Variants in CEP164 observed in about 807,000 individuals in gnomAD.
The protein encoded by CEP164 is centrosomal protein 164.
Under a neutral mutation model 182.7 loss-of-function variants are expected in CEP164, and 162 were observed. That is an observed-to-expected ratio of 0.89 (90% CI 0.78 to 1.01). CEP164 has a LOEUF of 1.01. Among genes scored for constraint, CEP164 ranks in the 50% least tolerant of loss-of-function variants. The pLI is 0.00. For synonymous variants in CEP164, 661 were observed against 690.0 expected, an observed-to-expected ratio of 0.96 and a Z score of 0.66; for missense variants, 1,735 against 1,790.4, an observed-to-expected ratio of 0.97 and a Z score of 0.56.
Position 117,412,108 on chromosome 11 carries a change from T to C in CEP164, c.4323T>C (p.Thr1441=), listed in dbSNP as rs992995160. Residue 1441 remains threonine (T), a synonymous_variant, in exon 33 of 33, where the codon ACT becomes ACC. Coordinates refer to ENST00000278935, the MANE Select transcript of CEP164 (RefSeq NM_014956.5). ...LFSSTPKPKA[T]LSLLQLGLDE... is the part of the protein sequence containing the mutation. ...CGTCAACACCCAAGCCAAAAGCTAC[T>C]TTGAGCCTCCTGCAGCTGGGCCTTG... The C allele has an allele frequency of 3.1e-6, 5 of 1,614,060 alleles. No homozygotes were observed. The Admixed American group carries it at 6.7e-5, about 22-fold the overall frequency.
rs749252841 is a variant in CEP164, at chr11:117,381,681, G to A, written c.1410-20G>A. 2.5e-6 allele frequency: 4 copies of A among 1,599,934 alleles called. No homozygotes were observed. The highest frequency in any genetic ancestry group is 3.4e-6 in the Non-Finnish European group (4 of 1,173,302). On this transcript the variant is annotated intron_variant, in intron 12 of 32. Transcript: ENST00000278935. Reference sequence around the variant, plus strand: ...CCAAATGGAGGGGCCTGACTCTGCTGCTCTGCCCGGCCTGACCAGGTTATC... The same window carrying A: ...CCAAATGGAGGGGCCTGACTCTGCTACTCTGCCCGGCCTGACCAGGTTATC...
chr11:117,386,946 C>T (rs557434042), intron 14 of CEP164: 37 of 467,762 alleles, frequency 7.9e-5, no homozygotes, highest in Admixed American at 7.2e-4. Flanking sequence ...GCCATAACCT[C>T]GTAAGTCTGC....
In CEP164 at chr11:117,393,071, T is replaced by C; in HGVS notation, c.2561T>C (p.Met854Thr). ...EGEHERRLDK[M>T]KEEHQQVMAK... ...GAGCATGAGAGGAGGTTGGACAAGA[T>C]GAAGGAGGAGCACCAGCAAGTGATG... Residue 854 changes from methionine (M) to threonine (T), a missense_variant, in exon 20 of 33, where the codon ATG becomes ACG. Physicochemically the swap from Met to Thr is moderately conservative, Grantham distance 81. Coordinates refer to ENST00000278935, the MANE Select transcript of CEP164 (RefSeq NM_014956.5). 8 of 1,613,752 alleles carry C rather than the reference T, an allele frequency of 5.0e-6. No individual in the cohort carries two copies. Among genetic ancestry groups the C allele is most frequent in the Non-Finnish European group, 6.8e-6 (8 of 1,179,906 alleles).
At chr11:117,342,175 A>G (rs1435861097) in intron 3 of CEP164, among the ~76,000 whole-genome samples, 1 of 152,058 alleles carries the variant, frequency 6.6e-6, no homozygotes, top group African/African-American at 2.4e-5. Flanking sequence ...TTTTTTTCTT[A>G]CTCATGGCTC....
chr11:117,358,641 T>G (rs1592140998), intron 5 of CEP164, among the ~76,000 whole-genome samples: 1 of 151,012 alleles, frequency 6.6e-6, no homozygotes, highest in Non-Finnish European at 1.5e-5. Context: ...GCTCCTGGGC[T>G]TAAGCAATCC....
At chr11:117,321,870 G>GT (rs59641024) in intron 1 of CEP164, among the ~76,000 whole-genome samples, 80,876 of 150,090 alleles carry the variant, frequency 0.54, 22,726 homozygotes, top group East Asian at 0.72. Flanking sequence ...AAATTTTTGG[G>GT]TTTTTTTTTA....
chr11:117,406,260 G>T (rs967403076), intron 27 of CEP164, among the ~76,000 whole-genome samples: 1 of 152,156 alleles, frequency 6.6e-6, no homozygotes, highest in African/African-American at 2.4e-5. Context: ...CTTCTCACAT[G>T]GTGGTGGCAA....
intron 15 of CEP164, among the ~76,000 whole-genome samples, chr11:117,390,313 G>A (rs2044475457): frequency 6.6e-6 from 1 of 152,096 alleles, no homozygotes; most frequent in Non-Finnish European, 1.5e-5. Context: ...TAGGGAGGCA[G>A]CAGTGGACCT....
At chr11:117,325,534 T>TG (rs1295309847), upstream of CEP164, among the ~76,000 whole-genome samples, 1 of 151,340 alleles carries the variant, frequency 6.6e-6, no homozygotes, top group Non-Finnish European at 1.5e-5. Context: ...TACAGGTGCC[T>TG]GCCACCACAA....
chr11:117,327,189 T>A (rs551517321), upstream of CEP164, among the ~76,000 whole-genome samples: 1 of 152,318 alleles, frequency 6.6e-6, no homozygotes, highest in African/African-American at 2.4e-5. Flanking sequence ...GGTCAGGTGC[T>A]CACTGGTTTA....
At chr11:117,330,331 C>T (rs922218695) in intron 1 of CEP164, among the ~76,000 whole-genome samples, 2 of 152,256 alleles carry the variant, frequency 1.3e-5, no homozygotes, top group Admixed American at 6.5e-5. Context: ...CCTAACACGT[C>T]GCACAATGTC....
At chr11:117,331,292 C>T (rs566411470) in intron 1 of CEP164, among the ~76,000 whole-genome samples, 3 of 152,306 alleles carry the variant, frequency 2.0e-5, no homozygotes, top group Admixed American at 2.0e-4. Context: ...CCCAGATGAG[C>T]AGAAGGCAGA....
At chr11:117,391,300 C>G (rs1439423231) in intron 17 of CEP164, 85 bp downstream of exon 17, 1 of 1,309,502 alleles carries the variant, frequency 7.6e-7, no homozygotes, top group East Asian at 2.5e-5. Context: ...AGAAGAAGGG[C>G]AAGTCTCGGG....
intron 13 of CEP164, 130 bp from the exon 14 acceptor site, chr11:117,382,666 C>T (rs2043468990): frequency 3.6e-6 from 4 of 1,097,030 alleles, no homozygotes; most frequent in Non-Finnish European, 5.3e-6. Context: ...AGGTCTAAGA[C>T]CCGAGGTAGG....
chr11:117,375,447 T>TA (rs1354531783), intron 10 of CEP164, among the ~76,000 whole-genome samples: 1 of 152,182 alleles, frequency 6.6e-6, no homozygotes, highest in Non-Finnish European at 1.5e-5. Context: ...ATGGAACAAT[T>TA]AAAAAAATTG....
rs923498039 is a variant in CEP164 at position 117,387,237 on chromosome 11, C to T, written c.1759C>T (p.Leu587Phe). 3 of 1,614,190 alleles carry T rather than the reference C, an allele frequency of 1.9e-6. No homozygotes were observed. The Admixed American group carries it at 5.0e-5, about 27-fold the overall frequency. The change falls in exon 15 of 33, where the codon CTC (leucine) becomes TTC (phenylalanine). Residue 587 changes from leucine (L) to phenylalanine (F), a missense_variant. Coordinates refer to ENST00000278935, the MANE Select transcript of CEP164 (RefSeq NM_014956.5). ...STEPVAPPEQ[L>F]SEAALKAMEE... ...AGAGCCTGTGGCTCCCCCAGAGCAGCTCTCAGAGGCTGCACTAAAGGCCAT... is the reference window on the plus strand; with the variant it reads ...AGAGCCTGTGGCTCCCCCAGAGCAGTTCTCAGAGGCTGCACTAAAGGCCAT...
At chr11:117,368,306 A>T (rs914703755) in intron 8 of CEP164, among the ~76,000 whole-genome samples, 2 of 152,216 alleles carry the variant, frequency 1.3e-5, no homozygotes, top group African/African-American at 4.8e-5. Context: ...TAGGAATTGC[A>T]TGGCAAAGTA....
rs539441637 is a variant in CEP164, at chr11:117,381,722, C to T, written c.1431C>T (p.His477=). The T allele has an allele frequency of 7.9e-5, 128 of 1,610,120 alleles. No individual in the cohort carries two copies. The highest frequency in any genetic ancestry group is 3.1e-4 in the East Asian group (14 of 44,796). ...LEERLSPPLP[H]EERAQSPPRS... ...CCAGGTTATCTCCTCCACTTCCACACGAGGAGCGGGCCCAGAGTCCCCCTC... is the reference window on the plus strand; with the variant it reads ...CCAGGTTATCTCCTCCACTTCCACATGAGGAGCGGGCCCAGAGTCCCCCTC... The change falls in exon 13 of 33, where the codon CAC becomes CAT. Residue 477 remains histidine, a synonymous_variant. Coordinates refer to ENST00000278935, the MANE Select transcript of CEP164 (RefSeq NM_014956.5).
chr11:117,404,209 G>T (rs1680230669), intron 27 of CEP164, among the ~76,000 whole-genome samples: 1 of 152,148 alleles, frequency 6.6e-6, no homozygotes, highest in Non-Finnish European at 1.5e-5. Context: ...GCGAGGAGTT[G>T]TGATCCTTTG....
Sources: allele counts gnomAD v4.1 joint callset (sites outside exome capture counted in the v4.1 genomes callset), GRCh38; gene constraint gnomAD v4.1.1; transcripts MANE v1.5; gene names NCBI Gene and HGNC (gene_info 2026-07-23, HGNC 2026-07-21).